Variants in DOK3 observed in about 807,000 individuals in gnomAD.
The protein encoded by DOK3 is Dok-like protein.
In DOK3, 23 loss-of-function variants were observed where a neutral mutation model predicts 26.2. The ratio of observed to expected loss-of-function variants is 0.88; its 90% CI spans 0.63 to 1.24. The LOEUF is 1.24. DOK3 is among the 50% of genes most tolerant of loss of function. DOK3 has a pLI of 0.00. For synonymous variants in DOK3, 268 were observed against 268.2 expected (o/e 1.00, Z 0.01); for missense variants, 619 against 610.6 (o/e 1.01, Z -0.15).
rs1759398757 is a variant in DOK3 at position 177,501,947 on chromosome 5, G to C, written c.*2036C>G. The C allele has an allele frequency of 6.6e-6, 1 of 152,244 alleles. No homozygotes were observed. The highest frequency in any genetic ancestry group is 2.4e-5 in the African/African-American group (1 of 41,458). The allele number at this position is 152,244 out of a possible 1,614,324, so 9.4% of individuals were successfully genotyped here. The stretch of plus-strand genomic sequence containing the variant: ...TTATTTTCTTGGTAGATCACTCACA[G>C]AACATGCATGGACATTTTTACAGGC... On this transcript the variant is annotated 3_prime_UTR_variant, in exon 6 of 6. Coordinates refer to ENST00000510898, the MANE Select transcript of DOK3 (RefSeq NM_001308236.3).
chr5:177,508,786 A>C (rs933377938), intron 2 of DOK3: 7 of 436,338 alleles, frequency 1.6e-5, no homozygotes, highest in Non-Finnish European at 2.4e-5. Context: ...TCAAAAGGCC[A>C]TGAGAACTCG....
At chr5:177,509,357 C>CTT in intron 2 of DOK3, 118 bp downstream of exon 2, 1 of 1,396,780 alleles carries the variant, frequency 7.2e-7, no homozygotes. Flanking sequence ...GGATCCTCCA[C>CTT]CCTGACTCCC....
intron 2 of DOK3, 58 bp from the exon 3 acceptor site, chr5:177,508,600 T>A: frequency 6.9e-7 from 1 of 1,452,094 alleles, no homozygotes; most frequent in East Asian, 2.5e-5. Flanking sequence ...CCGTGCCACT[T>A]GGCTCAGCAC....
At position 177,503,019 on chromosome 5, in the gene DOK3, T is replaced by C. The variant is rs967995837; in HGVS notation, c.*964A>G. 8.7e-6 allele frequency: 13 copies of C among 1,495,222 alleles called. No individual in the cohort carries two copies. Among genetic ancestry groups the C allele is most frequent in the South Asian group, 2.6e-5 (2 of 75,962 alleles). 92.6% of individuals were successfully genotyped at this position (1,495,222 alleles called of 1,614,324 possible). ...AGGCTTGGACAGGAGAGAGCAAAAA[T>C]TGTGTGTCCGTCATGAAAATGAGGT... On this transcript the variant is annotated 3_prime_UTR_variant, in exon 6 of 6. Coordinates refer to ENST00000510898, the MANE Select transcript of DOK3 (RefSeq NM_001308236.3).
rs2127421134 is a variant in DOK3 at position 177,503,810 on chromosome 5, A to C, written c.*173T>G. ...TTTATTATCTGTGAGTCTGCACACT[A>C]TTCATGAGGAGGGCAGGGCAGGGCT... On this transcript the variant is annotated 3_prime_UTR_variant, in exon 6 of 6. Coordinates refer to ENST00000510898, the MANE Select transcript of DOK3 (RefSeq NM_001308236.3). The C allele has an allele frequency of 1.4e-6, 2 of 1,431,530 alleles. No homozygotes were observed. The highest frequency in any genetic ancestry group is 5.0e-5 in the East Asian group (2 of 39,786). The allele number at this position is 1,431,530 out of a possible 1,614,324, so 88.7% of individuals were successfully genotyped here.
chr5:177,503,744 G>T lies in DOK3; in HGVS notation c.*239C>A. 7.1e-7 allele frequency: 1 copy of T among 1,416,802 alleles called. No homozygotes were observed. Among genetic ancestry groups the T allele is most frequent in the East Asian group, 2.6e-5 (1 of 38,682 alleles). 87.8% of individuals were successfully genotyped at this position (1,416,802 alleles called of 1,614,324 possible). ...GTTGGCCGCAATGAACGTGGGCAGG[G>T]GCGTGTGCCGTGAGTGCCCCTGCCG... On this transcript the variant is annotated 3_prime_UTR_variant, in exon 6 of 6. Transcript: ENST00000510898.
At position 177,508,873 on chromosome 5, in the gene DOK3, G is replaced by A. The variant is rs192708903; in HGVS notation, c.67-331C>T. 403 of 315,092 alleles carry A rather than the reference G, an allele frequency of 1.3e-3. 1 individual carries two copies. Among genetic ancestry groups the A allele is most frequent in the African/African-American group, 7.9e-3 (371 of 47,008 alleles). The allele number at this position is 315,092 out of a possible 1,614,324, so 19.5% of individuals were successfully genotyped here. On this transcript the variant is annotated intron_variant, in intron 2 of 5. Transcript: ENST00000510898. ...ACCACCAGACACTGCCATTATATTGGTTCCCTCTCACCCCCAAAAAGGGGC... is the reference window on the plus strand; with the variant it reads ...ACCACCAGACACTGCCATTATATTGATTCCCTCTCACCCCCAAAAAGGGGC...
At chr5:177,510,133 C>T (rs1341549654), upstream of DOK3, 7 of 582,190 alleles carry the variant, frequency 1.2e-5, no homozygotes, top group Non-Finnish European at 2.1e-5. Context: ...CAGCACTCTC[C>T]ACAACCCAAG....
At chr5:177,508,837 T>A in intron 2 of DOK3, 1 of 366,050 alleles carries the variant, frequency 2.7e-6, no homozygotes. Context: ...AAGCATCCAG[T>A]GGCCGGGCAG....
In DOK3 at chr5:177,509,462, C is replaced by T; in HGVS notation, c.66+13G>A. 1 of 1,600,792 alleles carries T rather than the reference C, an allele frequency of 6.2e-7. No individual in the cohort carries two copies. The highest frequency in any genetic ancestry group is 8.5e-7 in the Non-Finnish European group (1 of 1,173,872). On this transcript the variant is annotated intron_variant, in intron 2 of 5. Transcript: ENST00000510898. ...TGGTCCTTGGCAGCTGCCTGGCAGCCAGGGGTCCCCACCTTGCCAAACTTG... is the reference window on the plus strand; with the variant it reads ...TGGTCCTTGGCAGCTGCCTGGCAGCTAGGGGTCCCCACCTTGCCAAACTTG...
intron 3 of DOK3, 91 bp downstream of exon 3, chr5:177,508,146 G>A: frequency 7.4e-7 from 1 of 1,356,232 alleles, no homozygotes; most frequent in Non-Finnish European, 9.6e-7. Flanking sequence ...GTGCTCGGTG[G>A]AGCTTGCTGG....
chr5:177,503,799 G>A lies in DOK3; in HGVS notation c.*184C>T. ...CTGCTCTGAGCTTTATTATCTGTGA[G>A]TCTGCACACTATTCATGAGGAGGGC... On this transcript the variant is annotated 3_prime_UTR_variant, in exon 6 of 6. Transcript: ENST00000510898. 1 of 1,430,538 alleles carries A rather than the reference G, an allele frequency of 7.0e-7. No homozygotes were observed. The highest frequency in any genetic ancestry group is 1.4e-5 in the African/African-American group (1 of 69,688). The allele number at this position is 1,430,538 out of a possible 1,614,324, so 88.6% of individuals were successfully genotyped here.
Position 177,503,753 on chromosome 5 carries a change from C to T in DOK3, c.*230G>A, listed in dbSNP as rs775886489. 3.1e-5 allele frequency: 44 copies of T among 1,416,656 alleles called. No individual in the cohort carries two copies. The African/African-American group carries it at 3.6e-4, about 12-fold the overall frequency. 87.8% of individuals were successfully genotyped at this position (1,416,656 alleles called of 1,614,324 possible). ...AATGAACGTGGGCAGGGGCGTGTGC[C>T]GTGAGTGCCCCTGCCGGGAGCTGCT... On this transcript the variant is annotated 3_prime_UTR_variant, in exon 6 of 6. Coordinates refer to ENST00000510898, the MANE Select transcript of DOK3 (RefSeq NM_001308236.3).
intron 3 of DOK3, among the ~76,000 whole-genome samples, chr5:177,507,925 C>T (rs1673392183): frequency 6.6e-6 from 1 of 152,206 alleles, no homozygotes; most frequent in African/African-American, 2.4e-5. Flanking sequence ...GCCCACGGGA[C>T]TCCCTCTGTT....
intron 3 of DOK3, among the ~76,000 whole-genome samples, chr5:177,505,937 A>G (rs1581785006): frequency 6.7e-6 from 1 of 150,054 alleles, no homozygotes; most frequent in South Asian, 2.1e-4. Context: ...ATGGGGTTTC[A>G]CCATGTTAGC....
Position 177,503,654 on chromosome 5 carries a change from G to T in DOK3, c.*329C>A, listed in dbSNP as rs1581776088. ...CCCGTCTGTCTGCTGCAGTGGGTTT[G>T]AGCCCACGGGTGGCAGGTAAGGCCC... On this transcript the variant is annotated 3_prime_UTR_variant, in exon 6 of 6. Transcript: ENST00000510898. The T allele has an allele frequency of 2.2e-6, 3 of 1,349,382 alleles. No homozygotes were observed. Among genetic ancestry groups the T allele is most frequent in the East Asian group, 5.4e-5 (2 of 37,210 alleles). 83.6% of individuals were successfully genotyped at this position (1,349,382 alleles called of 1,614,324 possible).
chr5:177,503,873 C>CA lies in DOK3; in HGVS notation c.*109_*110insT. 1 of 1,440,314 alleles carries CA rather than the reference C, an allele frequency of 6.9e-7. No individual in the cohort carries two copies. The highest frequency in any genetic ancestry group is 9.1e-7 in the Non-Finnish European group (1 of 1,101,406). 89.2% of individuals were successfully genotyped at this position (1,440,314 alleles called of 1,614,324 possible). A position where few individuals can be genotyped will look rare whatever the true frequency, so the allele number is the denominator to read the frequency against. On this transcript the variant is annotated 3_prime_UTR_variant, in exon 6 of 6. Transcript: ENST00000510898. ...AGGCGGCCTGCCTTGTTCCTGCAGG[C>CA]CAGGGTGGACACAGGCGTGTGTCTG...
chr5:177,503,113 G>C lies in DOK3; in HGVS notation c.*870C>G. On this transcript the variant is annotated 3_prime_UTR_variant, in exon 6 of 6. Transcript: ENST00000510898. ...TGAGGGGCTGGGCAGTCAGAGCCCTGGAGGCATGACGCTTGCGTGCGTGGC... is the reference window on the plus strand; with the variant it reads ...TGAGGGGCTGGGCAGTCAGAGCCCTCGAGGCATGACGCTTGCGTGCGTGGC... 6.4e-7 allele frequency: 1 copy of C among 1,551,408 alleles called. No individual in the cohort carries two copies. Among genetic ancestry groups the C allele is most frequent in the Non-Finnish European group, 8.7e-7 (1 of 1,146,822 alleles).
chr5:177,507,336 G>T (rs1300637453), intron 3 of DOK3, among the ~76,000 whole-genome samples: 1 of 152,120 alleles, frequency 6.6e-6, no homozygotes, highest in Non-Finnish European at 1.5e-5. Flanking sequence ...TTTTATGGCT[G>T]AGTAGTATTC....
Sources: allele counts gnomAD v4.1 joint callset (sites outside exome capture counted in the v4.1 genomes callset), GRCh38; gene constraint gnomAD v4.1.1; transcripts MANE v1.5; gene names NCBI Gene and HGNC (gene_info 2026-07-23, HGNC 2026-07-21).